The following ANKRD36C variants were observed in gnomAD, a reference collection of about 807,000 sequenced individuals.
ANKRD36C encodes ankyrin repeat domain-containing protein 36C.
In ANKRD36C, 61 loss-of-function variants were observed where a neutral mutation model predicts 276.4. That is an observed-to-expected ratio of 0.22 (90% CI 0.18 to 0.27). The LOEUF (loss-of-function observed/expected upper bound fraction) is 0.27, where lower values mean the gene tolerates loss of function less well. ANKRD36C is among the 10% of genes least tolerant of loss of function. ANKRD36C has a pLI of 1.00. For missense variants in ANKRD36C, 1,447 were observed against 2,032.3 expected (o/e 0.71, Z 5.54); for synonymous variants, 483 against 680.1 (o/e 0.71, Z 4.51).
chr2:95,943,832 C>T (rs1445246747), intron 19 of ANKRD36C, among the ~76,000 whole-genome samples: 2 of 151,748 alleles, frequency 1.3e-5, no homozygotes, highest in Admixed American at 1.3e-4. Flanking sequence ...AATTTTCTTT[C>T]CATTTAGAAT....
intron 63 of ANKRD36C, 110 bp downstream of exon 83, chr2:95,855,156 T>C: frequency 2.2e-6 from 3 of 1,391,084 alleles, no homozygotes. Context: ...ATATTTATCA[T>C]ATGTATCCTT....
At chr2:95,885,900 G>A in intron 52 of ANKRD36C, 148 bp downstream of exon 72, 1 of 1,409,254 alleles carries the variant, frequency 7.1e-7, no homozygotes, top group Non-Finnish European at 9.8e-7. Context: ...CACCATCAGG[G>A]TCACCCGAGG....
At chr2:95,895,832 C>A (rs1011544006) in intron 44 of ANKRD36C, among the ~76,000 whole-genome samples, 3 of 150,748 alleles carry the variant, frequency 2.0e-5, no homozygotes, top group Non-Finnish European at 3.0e-5. Context: ...TGTCGAAACC[C>A]AAAATAAAAC....
At chr2:95,873,184 T>C (rs1048320099) in intron 59 of ANKRD36C, among the ~76,000 whole-genome samples, 2 of 152,168 alleles carry the variant, frequency 1.3e-5, no homozygotes, top group Non-Finnish European at 2.9e-5. Flanking sequence ...AGCATCATCC[T>C]GATACCAAAG....
At chr2:95,859,949 G>A (rs1424799207) in exon 61 of ANKRD36C, 1 of 1,550,380 alleles carries the variant, frequency 6.5e-7, no homozygotes, top group Non-Finnish European at 8.7e-7. Context: ...CTCTTTTGTA[G>A]TACACTAGCC....
chr2:95,876,090 C>T (rs1229269649), intron 59 of ANKRD36C: 71 of 326,754 alleles, frequency 2.2e-4, no homozygotes, highest in South Asian at 9.2e-4. Flanking sequence ...GAATCCAGTA[C>T]GGTGGTCATC....
rs12621287 is a variant in ANKRD36C at position 95,918,873 on chromosome 2, T to C, written c.2246-831A>G. On this transcript the variant is annotated intron_variant, in intron 34 of 66. Transcript: ENST00000456556. ...TTTAGGAGTTAATTAGAATTCAACA[T>C]AATTTTTGTTTCTAAAACATGATAC... Among the ~76,000 whole-genome samples, 768 of 146,902 alleles carry C rather than the reference T, an allele frequency of 5.2e-3. 68 individuals are homozygous for C. The East Asian group carries it at 0.13, about 25-fold the overall frequency.
intron 46 of ANKRD36C, among the ~76,000 whole-genome samples, chr2:95,890,948 T>C (rs1676335173): frequency 6.6e-6 from 1 of 151,492 alleles, no homozygotes; most frequent in African/African-American, 2.4e-5. Context: ...TAATCAAGAT[T>C]ACCTCATTTT....
intron 42 of ANKRD36C, among the ~76,000 whole-genome samples, chr2:95,910,834 A>T (rs1394529660): frequency 4.0e-5 from 6 of 151,414 alleles, no homozygotes. Context: ...GTCAATCTCA[A>T]CGTGCATAGG....
intron 59 of ANKRD36C, among the ~76,000 whole-genome samples, chr2:95,870,107 G>A (rs1675771821): frequency 6.6e-6 from 1 of 152,234 alleles, no homozygotes; most frequent in Non-Finnish European, 1.5e-5. Flanking sequence ...CAAAAAGACA[G>A]CAGTAACCTC....
chr2:95,878,790 A>G (rs934277431), intron 58 of ANKRD36C, among the ~76,000 whole-genome samples: 12 of 152,210 alleles, frequency 7.9e-5, no homozygotes, highest in South Asian at 2.1e-4. Flanking sequence ...AATGGCTTTT[A>G]TCCAAATGGC....
At chr2:95,897,115 A>G (rs1676574244) in intron 44 of ANKRD36C, among the ~76,000 whole-genome samples, 155 bp downstream of exon 60, 1 of 150,452 alleles carries the variant, frequency 6.6e-6, no homozygotes, top group Non-Finnish European at 1.5e-5. Context: ...GACCAGCAGC[A>G]TCATCATCAC....
At position 95,982,381 on chromosome 2, in the gene ANKRD36C, A is replaced by T. The variant is rs751301679; in HGVS notation, c.487-19T>A. On this transcript the variant is annotated intron_variant, in intron 3 of 66. Coordinates refer to ENST00000456556, the Ensembl canonical transcript of ANKRD36C. ...ATTCATCCTGTAAAATAACAGCAAC[A>T]ATTTATAATCACAAAATTACATATT... 40 of 1,508,492 alleles carry T rather than the reference A, an allele frequency of 2.7e-5. No individual in the cohort carries two copies. Among genetic ancestry groups the T allele is most frequent in the Non-Finnish European group, 3.5e-5 (39 of 1,114,952 alleles). The allele number at this position is 1,508,492 out of a possible 1,614,324, so 93.4% of individuals were successfully genotyped here.
intron 38 of ANKRD36C, 128 bp from the exon 41 acceptor site, chr2:95,914,431 T>C: frequency 8.1e-7 from 1 of 1,237,522 alleles, no homozygotes; most frequent in Non-Finnish European, 1.2e-6. Context: ...TGGCTTCTAC[T>C]TTGTGTCTGG....
At chr2:95,894,120 T>G (rs1476180450) in intron 44 of ANKRD36C, 7 of 275,276 alleles carry the variant, frequency 2.5e-5, no homozygotes, top group Non-Finnish European at 3.5e-5. Context: ...TCAAAAGGAT[T>G]TACACCATTA....
chr2:95,969,509 C>T (rs1443512761), intron 6 of ANKRD36C, among the ~76,000 whole-genome samples: 1 of 152,080 alleles, frequency 6.6e-6, no homozygotes, highest in African/African-American at 2.4e-5. Context: ...CCAGTCTGCC[C>T]AAGATGTGAA....
intron 14 of ANKRD36C, among the ~76,000 whole-genome samples, chr2:95,953,260 C>A (rs542600765): frequency 1.3e-5 from 2 of 152,088 alleles, no homozygotes; most frequent in Non-Finnish European, 2.9e-5. Context: ...TAGAGATAAG[C>A]ACTTGTTATA....
intron 42 of ANKRD36C, chr2:95,907,413 T>C (rs1221021930): frequency 1.4e-5 from 1 of 73,332 alleles, no homozygotes; most frequent in East Asian, 3.6e-4. Context: ...ACCCATGTAG[T>C]GTAATAATTT....
At chr2:95,945,041 A>G in intron 18 of ANKRD36C, 73 bp downstream of exon 18, 1 of 1,490,850 alleles carries the variant, frequency 6.7e-7, no homozygotes, top group Non-Finnish European at 9.0e-7. Flanking sequence ...TCTGTCTACA[A>G]AAAATAAGAA....
Sources: gnomAD v4.1 joint callset for allele counts (sites outside exome capture counted in the v4.1 genomes callset) on GRCh38, gnomAD v4.1.1 for gene constraint, MANE v1.5 for transcripts, NCBI Gene and HGNC (gene_info 2026-07-23, HGNC 2026-07-21) for gene names.